GALNTL6: variants seen among roughly 807,000 people sequenced by gnomAD.
The protein encoded by GALNTL6 is polypeptide N-acetylgalactosaminyltransferase like 6, also known as polypeptide N-acetylgalactosaminyltransferase-like 6.
In GALNTL6, 46 loss-of-function variants were observed where a neutral mutation model predicts 73.7. The ratio of observed to expected loss-of-function variants is 0.62; its 90% CI spans 0.49 to 0.80. The LOEUF (loss-of-function observed/expected upper bound fraction) is 0.80. GALNTL6 is among the 30% of genes least tolerant of loss of function. GALNTL6 has a pLI of 0.00. For missense variants in GALNTL6, 604 were observed against 755.0 expected (o/e 0.80, Z 2.34); for synonymous variants, 259 against 263.7 (o/e 0.98, Z 0.17).
At chr4:172,231,182 C>T (rs1737056989) in intron 3 of GALNTL6, among the ~76,000 whole-genome samples, 1 of 151,854 alleles carries the variant, frequency 6.6e-6, no homozygotes, top group Non-Finnish European at 1.5e-5. Flanking sequence ...TATTTTTTTC[C>T]TCTATTTGCT....
intron 5 of GALNTL6, among the ~76,000 whole-genome samples, chr4:172,613,260 G>A (rs1280521227): frequency 6.6e-6 from 1 of 152,034 alleles, no homozygotes; most frequent in Non-Finnish European, 1.5e-5. Context: ...AAGAACTAAG[G>A]AGTACAGATA....
At chr4:171,960,438 C>T (rs1739186780) in intron 2 of GALNTL6, among the ~76,000 whole-genome samples, 1 of 151,744 alleles carries the variant, frequency 6.6e-6, no homozygotes, top group African/African-American at 2.4e-5. Context: ...CCACCATGCT[C>T]AGTGAATTTT....
intron 5 of GALNTL6, among the ~76,000 whole-genome samples, chr4:172,572,934 T>G (rs1321208830): frequency 1.3e-5 from 2 of 152,140 alleles, no homozygotes; most frequent in Non-Finnish European, 2.9e-5. Context: ...TTAAAAAGCA[T>G]GAAAACATGC....
At chr4:171,850,482 G>A (rs1446334273) in intron 2 of GALNTL6, among the ~76,000 whole-genome samples, 3 of 152,166 alleles carry the variant, frequency 2.0e-5, no homozygotes, top group Non-Finnish European at 4.4e-5. Flanking sequence ...ACTGTAAATT[G>A]TTTTAATATT....
At chr4:172,324,169 T>C (rs1740860545) in intron 4 of GALNTL6, among the ~76,000 whole-genome samples, 1 of 151,976 alleles carries the variant, frequency 6.6e-6, no homozygotes, top group African/African-American at 2.4e-5. Flanking sequence ...TTCATTTTAA[T>C]CTGAAATATG....
chr4:172,176,844 G>A (rs2110838031), intron 2 of GALNTL6, among the ~76,000 whole-genome samples: 1 of 152,178 alleles, frequency 6.6e-6, no homozygotes, highest in South Asian at 2.1e-4. Flanking sequence ...AACCTAGTTA[G>A]AGCTCTTCTT....
rs148751221 is a variant in GALNTL6 at position 172,183,266 on chromosome 4, C to T, written c.139-46390C>T. 3.6e-3 allele frequency among the ~76,000 whole-genome samples: 553 copies of T among 152,204 alleles called. 4 individuals are homozygous for T. Among genetic ancestry groups the T allele is most frequent in the East Asian group, 0.024 (123 of 5,188 alleles). On this transcript the variant is annotated intron_variant, in intron 2 of 12. Transcript: ENST00000506823. ...AAAAGGCAACAGAATGCATAAAAAA[C>T]GATGAATAACATTACCGTTCCATTA...
intron 7 of GALNTL6, among the ~76,000 whole-genome samples, 169 bp from the exon 8 acceptor site, chr4:172,882,621 C>T (rs1714290969): frequency 1.3e-5 from 2 of 152,220 alleles, no homozygotes; most frequent in African/African-American, 2.4e-5. Context: ...ATGTCCACTT[C>T]AGTGAGAGAC....
chr4:172,104,004 T>C (rs1181835853), intron 2 of GALNTL6, among the ~76,000 whole-genome samples: 3 of 151,412 alleles, frequency 2.0e-5, no homozygotes, highest in African/African-American at 4.9e-5. Context: ...GCTGCAGTGG[T>C]GCAATCTCCG....
chr4:172,694,434 G>C (rs1026259034), intron 5 of GALNTL6, among the ~76,000 whole-genome samples: 2 of 152,128 alleles, frequency 1.3e-5, no homozygotes, highest in Admixed American at 6.5e-5. Flanking sequence ...TGAGAATGAT[G>C]AGTTTCCAGC....
intron 7 of GALNTL6, among the ~76,000 whole-genome samples, chr4:172,814,066 A>G (rs796859536): frequency 6.6e-6 from 1 of 152,334 alleles, no homozygotes; most frequent in African/African-American, 2.4e-5. Context: ...TTTTCCCTAA[A>G]GGATTACTGA....
intron 2 of GALNTL6, among the ~76,000 whole-genome samples, chr4:172,057,889 A>T (rs1277262870): frequency 6.6e-6 from 1 of 151,600 alleles, no homozygotes; most frequent in Non-Finnish European, 1.5e-5. Context: ...GTGGATACAC[A>T]CTTATGAACA....
At chr4:172,182,937 C>T (rs1432854093) in intron 2 of GALNTL6, among the ~76,000 whole-genome samples, 1 of 152,030 alleles carries the variant, frequency 6.6e-6, no homozygotes, top group Non-Finnish European at 1.5e-5. Context: ...TCAAAGAACG[C>T]ATTCGCTCAA....
At chr4:172,616,548 T>C (rs1161067223) in intron 5 of GALNTL6, among the ~76,000 whole-genome samples, 1 of 150,878 alleles carries the variant, frequency 6.6e-6, no homozygotes, top group Non-Finnish European at 1.5e-5. Flanking sequence ...TTTTTTTTTT[T>C]TGCAAAGTTT....
chr4:172,183,443 G>C (rs1735318898), intron 2 of GALNTL6, among the ~76,000 whole-genome samples: 1 of 152,210 alleles, frequency 6.6e-6, no homozygotes. Flanking sequence ...AAACTGGCTT[G>C]AATAATATGT....
At chr4:172,904,550 G>T (rs1746786758) in intron 8 of GALNTL6, among the ~76,000 whole-genome samples, 2 of 152,162 alleles carry the variant, frequency 1.3e-5, no homozygotes, top group Admixed American at 1.3e-4. Context: ...AGGTACCCAG[G>T]TTTGTTGAAT....
chr4:172,641,303 A>G (rs557232445), intron 5 of GALNTL6, among the ~76,000 whole-genome samples: 7 of 152,036 alleles, frequency 4.6e-5, no homozygotes, highest in Admixed American at 1.3e-4. Flanking sequence ...AAATCCTTCA[A>G]TGGCTTGACG....
intron 2 of GALNTL6, among the ~76,000 whole-genome samples, chr4:172,115,588 G>T (rs1732964991): frequency 1.3e-5 from 2 of 151,986 alleles, no homozygotes; most frequent in African/African-American, 4.8e-5. Flanking sequence ...ATGTTTCCAG[G>T]TCTTGATTAT....
chr4:172,582,704 T>G lies in GALNTL6; in HGVS notation c.554-226657T>G, dbSNP rs536829545. On this transcript the variant is annotated intron_variant, in intron 5 of 12. Transcript: ENST00000506823. ...GGCATCACTAAATTTTGCAAAACACTCTCAGAGAATTCCAGTACTCATTGG... is the reference window on the plus strand; with the variant it reads ...GGCATCACTAAATTTTGCAAAACACGCTCAGAGAATTCCAGTACTCATTGG... Among the ~76,000 whole-genome samples the G allele has an allele frequency of 1.7e-4, 26 of 151,680 alleles. No individual in the cohort carries two copies. The South Asian group carries it at 5.0e-3, about 29-fold the overall frequency.
Sources: gnomAD v4.1 joint callset for allele counts (sites outside exome capture counted in the v4.1 genomes callset) on GRCh38, gnomAD v4.1.1 for gene constraint, MANE v1.5 for transcripts, NCBI Gene and HGNC (gene_info 2026-07-23, HGNC 2026-07-21) for gene names.